Variants in ZC3H11A observed in about 807,000 individuals in gnomAD.
ZC3H11A encodes zinc finger CCCH domain-containing protein 11A.
ZC3H11A carries 22 observed loss-of-function variants against 90.8 expected under a neutral mutation model. The ratio of observed to expected loss-of-function variants is 0.24; its 90% confidence interval spans 0.17 to 0.35. The LOEUF is 0.35. ZC3H11A is among the 10% of genes least tolerant of loss of function. The pLI, the probability that ZC3H11A is intolerant of heterozygous loss-of-function variation, is 1.00. For missense variants in ZC3H11A, 701 were observed against 964.9 expected (o/e 0.73, Z 3.62); for synonymous variants, 294 against 339.8 (o/e 0.87, Z 1.48).
At position 203,802,817 on chromosome 1, in the gene ZC3H11A, T is replaced by G. The variant is rs1235246240; in HGVS notation, c.-345T>G. The G allele has an allele frequency of 1.3e-5, 2 of 152,378 alleles. No homozygotes were observed. Among genetic ancestry groups the G allele is most frequent in the Non-Finnish European group, 2.9e-5 (2 of 68,010 alleles). The allele number at this position is 152,378 out of a possible 1,614,324, so 9.4% of individuals were successfully genotyped here. A position where few individuals can be genotyped will look rare whatever the true frequency, so the allele number is the denominator to read the frequency against. ...AAAGGTTATTTGAATGGACTTAATCTCCCAGTAGTTGGGAGATGTTTTAAA... is the reference window on the plus strand; with the variant it reads ...AAAGGTTATTTGAATGGACTTAATCGCCCAGTAGTTGGGAGATGTTTTAAA... On this transcript the variant is annotated 5_prime_UTR_variant, in exon 2 of 18. Coordinates refer to ENST00000367210, the MANE Select transcript of ZC3H11A (RefSeq NM_001376342.1).
chr1:203,829,445 G>A lies in ZC3H11A; in HGVS notation c.299-6G>A, dbSNP rs12066834. ...TTTTAATTTATGACTGATTTTGTGC[G>A]TTTAGCTGTGTTGCCCACTGTGCCT... On this transcript the variant is annotated splice_polypyrimidine_tract_variant and splice_region_variant and intron_variant, in intron 5 of 17. Transcript: ENST00000367210. The A allele has an allele frequency of 2.3e-3, 3,779 of 1,613,896 alleles. 60 individuals carry two copies. The East Asian group carries it at 0.037, about 16-fold the overall frequency.
intron 12 of ZC3H11A, among the ~76,000 whole-genome samples, chr1:203,841,713 C>T (rs1686276178): frequency 6.6e-6 from 1 of 152,100 alleles, no homozygotes; most frequent in Non-Finnish European, 1.5e-5. Flanking sequence ...GGGCTCCTCA[C>T]TTCCCAGATA....
At position 203,852,569 on chromosome 1, in the gene ZC3H11A, T is replaced by G. The variant is rs1258486631; in HGVS notation, c.*170T>G. On this transcript the variant is annotated 3_prime_UTR_variant, in exon 18 of 18. Transcript: ENST00000367210. Reference sequence around the variant, plus strand: ...GTCCTGGATTCCTTGGGGTCAGATTTTTAAAGTTACTTTATAACCATTTTG... The same window carrying G: ...GTCCTGGATTCCTTGGGGTCAGATTGTTAAAGTTACTTTATAACCATTTTG... 8.3e-6 allele frequency: 6 copies of G among 722,672 alleles called. No individual in the cohort carries two copies. The highest frequency in any genetic ancestry group is 1.1e-5 in the Non-Finnish European group (5 of 451,568). The allele number at this position is 722,672 out of a possible 1,614,324, so 44.8% of individuals were successfully genotyped here. A position where few individuals can be genotyped will look rare whatever the true frequency, so the allele number is the denominator to read the frequency against.
At chr1:203,837,325 A>G (rs6689679) in intron 10 of ZC3H11A, among the ~76,000 whole-genome samples, 19,117 of 150,660 alleles carry the variant, frequency 0.13, 1,591 homozygotes, top group East Asian at 0.3. Flanking sequence ...GTACATGAAG[A>G]TTTTTCACAT....
At chr1:203,798,307 C>G in intron 1 of ZC3H11A, 1 of 1,536,154 alleles carries the variant, frequency 6.5e-7, no homozygotes, top group South Asian at 1.2e-5. Context: ...ATTCCTGGAA[C>G]TAGAGCCAAG....
intron 4 of ZC3H11A, among the ~76,000 whole-genome samples, chr1:203,824,104 C>G (rs957748701): frequency 6.6e-6 from 1 of 151,972 alleles, no homozygotes; most frequent in Admixed American, 6.6e-5. Flanking sequence ...CCCGTCTCTA[C>G]TCAAATTACA....
In ZC3H11A at chr1:203,848,401, T is replaced by C. The variant is rs1212883902; in HGVS notation, c.1617T>C (p.Ala539=). The C allele has an allele frequency of 6.2e-6, 10 of 1,606,286 alleles. No individual in the cohort carries two copies. Among genetic ancestry groups the C allele is most frequent in the Non-Finnish European group, 8.5e-6 (10 of 1,177,392 alleles). ...VDSQSSIRTE[A]KEASGETTGV... is the part of the protein sequence containing the mutation. Reference sequence around the variant, plus strand: ...CTCAGAGCAGTATTAGAACAGAAGCTAAAGAGGTAAATTTAAGATTATTGT... The same window carrying C: ...CTCAGAGCAGTATTAGAACAGAAGCCAAAGAGGTAAATTTAAGATTATTGT... The change falls in exon 14 of 18, where the codon GCT becomes GCC. Residue 539 remains alanine (A), a synonymous_variant. Transcript: ENST00000367210.
At chr1:203,828,468 T>C (rs1681265332) in intron 5 of ZC3H11A, 46 bp downstream of exon 5, 2 of 1,559,694 alleles carry the variant, frequency 1.3e-6, no homozygotes, top group Admixed American at 1.9e-5. Flanking sequence ...TGAACACCTA[T>C]TATGCACACT....
chr1:203,798,485 C>T (rs746404400), intron 1 of ZC3H11A: 13 of 1,535,952 alleles, frequency 8.5e-6, no homozygotes, highest in African/African-American at 2.7e-5. Context: ...GGGCTGTTGC[C>T]AACAAAGACA....
rs927183284 is a variant in ZC3H11A at position 203,852,278 on chromosome 1, A to G, written c.2312A>G (p.Asp771Gly). 1 of 1,613,576 alleles carries G rather than the reference A, an allele frequency of 6.2e-7. No individual in the cohort carries two copies. Among genetic ancestry groups the G allele is most frequent in the African/African-American group, 1.3e-5 (1 of 74,834 alleles). ...STGKPPLSVE[D>G]DFEKLIWEIS... ...GGAAAGCCCCCACTCTCTGTGGAGG[A>G]TGATTTTGAGAAACTAATATGGGAG... The change falls in exon 18 of 18, where the codon GAT becomes GGT. Residue 771 changes from aspartate (D) to glycine (G), a missense_variant. Asp to Gly is a moderately conservative substitution (Grantham distance 94, BLOSUM62 -1). Transcript: ENST00000367210.
chr1:203,798,292 C>T lies in ZC3H11A; in HGVS notation c.-1588+2498C>T, dbSNP rs1289601322. ...ATCAAAAGTAACATTGTCAAGCATG[C>T]TTTAATTCCTGGAACTAGAGCCAAG... is the stretch of plus-strand genomic sequence containing the variant. On this transcript the variant is annotated intron_variant, in intron 1 of 17. Transcript: ENST00000367210. 7 of 1,536,094 alleles carry T rather than the reference C, an allele frequency of 4.6e-6. No individual in the cohort carries two copies. The highest frequency in any genetic ancestry group is 6.1e-6 in the Non-Finnish European group (7 of 1,146,910).
chr1:203,829,388 A>G, intron 5 of ZC3H11A, 63 bp from the exon 6 acceptor site: 1 of 1,560,808 alleles, frequency 6.4e-7, no homozygotes, highest in Non-Finnish European at 8.8e-7. Context: ...GGTGGTCAGG[A>G]ATTTTTGGTA....
intron 4 of ZC3H11A, among the ~76,000 whole-genome samples, chr1:203,822,046 C>T (rs12123537): frequency 0.02 from 3,114 of 152,156 alleles, 43 homozygotes; most frequent in Middle Eastern, 0.034. Flanking sequence ...TGTGAGCCAC[C>T]GTGCCTGGCC....
chr1:203,822,471 T>C lies in ZC3H11A; in HGVS notation c.174+3782T>C, dbSNP rs553222738. Among the ~76,000 whole-genome samples, 3 of 152,178 alleles carry C rather than the reference T, an allele frequency of 2.0e-5. No individual in the cohort carries two copies. The East Asian group carries it at 5.8e-4, about 30-fold the overall frequency. On this transcript the variant is annotated intron_variant, in intron 4 of 17. Transcript: ENST00000367210. ...ATAATGGATACTGTTTTCACACCTTTGGGCTGTGATACTTTGTGCTGAGCG... is the reference window on the plus strand; with the variant it reads ...ATAATGGATACTGTTTTCACACCTTCGGGCTGTGATACTTTGTGCTGAGCG...
At chr1:203,846,394 C>G (rs913544400) in intron 12 of ZC3H11A, among the ~76,000 whole-genome samples, 1 of 152,086 alleles carries the variant, frequency 6.6e-6, no homozygotes, top group Middle Eastern at 3.2e-3. Flanking sequence ...AATTTCTGGG[C>G]CTTCTGCATT....
rs397711285 is a variant in ZC3H11A, at chr1:203,815,379, CT to C, written c.-145-1526del. On this transcript the variant is annotated intron_variant, in intron 2 of 17. Coordinates refer to ENST00000367210, the MANE Select transcript of ZC3H11A (RefSeq NM_001376342.1). The stretch of plus-strand genomic sequence containing the variant: ...CACAGGAGTGTGCCACCACACCCAG[CT>C]TTTTTTTTTTTTTTTTTTTTAAGAG... Among the ~76,000 whole-genome samples the C allele has an allele frequency of 4.3e-4, 42 of 96,912 alleles. 1 individual carries two copies. The highest frequency in any genetic ancestry group is 2.9e-3 in the South Asian group (7 of 2,452). 63.6% of individuals were successfully genotyped at this position (96,912 alleles called of 152,430 possible). A position where few individuals can be genotyped will look rare whatever the true frequency, so the allele number is the denominator to read the frequency against.
rs1572054783 is a variant in ZC3H11A, at chr1:203,816,863, A to G, written c.-145-63A>G. 2.6e-5 allele frequency: 13 copies of G among 493,232 alleles called. No homozygotes were observed. The East Asian group carries it at 4.3e-4, about 16-fold the overall frequency. 30.6% of individuals were successfully genotyped at this position (493,232 alleles called of 1,614,324 possible). On this transcript the variant is annotated intron_variant, in intron 2 of 17. Coordinates refer to ENST00000367210, the MANE Select transcript of ZC3H11A (RefSeq NM_001376342.1). ...CTCTAGCAATACGATCTCATTAGCCATGGTGATTTGAAGGAGGAAGAATTT... is the reference window on the plus strand; with the variant it reads ...CTCTAGCAATACGATCTCATTAGCCGTGGTGATTTGAAGGAGGAAGAATTT...
At chr1:203,813,402 T>G (rs1675187722) in intron 2 of ZC3H11A, among the ~76,000 whole-genome samples, 1 of 152,130 alleles carries the variant, frequency 6.6e-6, no homozygotes, top group African/African-American at 2.4e-5. Flanking sequence ...GAAAACCAAT[T>G]TATTGGTTTT....
chr1:203,827,347 A>G (rs1366923175), intron 4 of ZC3H11A, among the ~76,000 whole-genome samples: 1 of 149,066 alleles, frequency 6.7e-6, no homozygotes. Flanking sequence ...ATGCACAGGT[A>G]TTCTTTTTTT....
Sources: allele counts gnomAD v4.1 joint callset (sites outside exome capture counted in the v4.1 genomes callset), GRCh38; gene constraint gnomAD v4.1.1; transcripts MANE v1.5; gene names NCBI Gene and HGNC (gene_info 2026-07-23, HGNC 2026-07-21).